KLHL1: variants seen among roughly 807,000 people sequenced by gnomAD.
The protein encoded by KLHL1 is kelch like family member 1.
KLHL1 carries 47 observed loss-of-function variants against 77.7 expected under a neutral mutation model. The observed-to-expected ratio is 0.60, with a 90% confidence interval of 0.48 to 0.77. KLHL1 has a LOEUF of 0.77. KLHL1 is among the 30% of genes least tolerant of loss of function. The pLI, the probability that KLHL1 is intolerant of heterozygous loss-of-function variation, is 0.00. For missense variants in KLHL1, 925 were observed against 910.8 expected (o/e 1.02, Z -0.20); for synonymous variants, 360 against 325.2 (o/e 1.11, Z -1.15).
intron 7 of KLHL1, among the ~76,000 whole-genome samples, chr13:69,753,558 C>A (rs565053691): frequency 1.3e-5 from 2 of 152,124 alleles, no homozygotes; most frequent in Non-Finnish European, 2.9e-5. Flanking sequence ...ATTAGTAGGG[C>A]CAAATCTAGA....
intron 1 of KLHL1, among the ~76,000 whole-genome samples, chr13:70,043,129 T>C (rs2137381856): frequency 6.6e-6 from 1 of 152,172 alleles, no homozygotes; most frequent in Middle Eastern, 3.4e-3. Flanking sequence ...GATCTCGAAC[T>C]CCCGACCTCT....
intron 8 of KLHL1, among the ~76,000 whole-genome samples, chr13:69,720,159 A>T (rs910792356): frequency 6.6e-6 from 1 of 152,172 alleles, no homozygotes; most frequent in Admixed American, 6.6e-5. Flanking sequence ...CAATGTTAGT[A>T]TGATTGAAAA....
intron 4 of KLHL1, among the ~76,000 whole-genome samples, chr13:69,908,231 G>A (rs1009334549): frequency 3.1e-4 from 47 of 151,704 alleles, no homozygotes; most frequent in Non-Finnish European, 4.4e-5. Context: ...AACCATGGGG[G>A]TTAGTGTGGA....
chr13:69,832,051 C>A lies in KLHL1; in HGVS notation c.1414+6925G>T, dbSNP rs1054523804. Among the ~76,000 whole-genome samples the A allele has an allele frequency of 4.7e-5, 7 of 149,876 alleles. 1 individual carries two copies. The highest frequency in any genetic ancestry group is 1.8e-4 in the African/African-American group (7 of 39,906). ...TGAGAAGTGGAACAAGGCAAGGATG[C>A]CCATTTTTACCACTTGGATTCAACA... On this transcript the variant is annotated intron_variant, in intron 6 of 10. Transcript: ENST00000377844.
chr13:69,750,471 T>G (rs1271019428), intron 7 of KLHL1, among the ~76,000 whole-genome samples: 2 of 151,772 alleles, frequency 1.3e-5, no homozygotes, highest in African/African-American at 2.4e-5. Context: ...ATATAAATTA[T>G]AAAAATTTTC....
chr13:69,962,060 G>T (rs1031639679), intron 2 of KLHL1, among the ~76,000 whole-genome samples: 5 of 151,188 alleles, frequency 3.3e-5, no homozygotes, highest in East Asian at 3.9e-4. Flanking sequence ...ATTTTATTTG[G>T]GGAGACTTGA....
At chr13:69,863,712 A>G (rs1880262039) in intron 5 of KLHL1, among the ~76,000 whole-genome samples, 2 of 152,022 alleles carry the variant, frequency 1.3e-5, no homozygotes. Context: ...TTCAGTGTCT[A>G]TTGGATGATG....
chr13:69,983,095 A>T (rs1884760041), intron 1 of KLHL1, among the ~76,000 whole-genome samples: 1 of 152,148 alleles, frequency 6.6e-6, no homozygotes, highest in South Asian at 2.1e-4. Flanking sequence ...CAATAAAGCA[A>T]TCCCATTTAT....
chr13:69,730,717 C>T (rs1167290364), intron 8 of KLHL1, among the ~76,000 whole-genome samples: 2 of 151,936 alleles, frequency 1.3e-5, no homozygotes, highest in African/African-American at 2.4e-5. Context: ...GTAGCTTTAA[C>T]TACAGGAGCA....
chr13:69,765,914 T>G (rs1875278967), intron 7 of KLHL1, among the ~76,000 whole-genome samples: 1 of 152,204 alleles, frequency 6.6e-6, no homozygotes, highest in African/African-American at 2.4e-5. Flanking sequence ...AAAAAATTGT[T>G]TCACCTAAGT....
At chr13:69,895,554 A>T (rs1881603339) in intron 4 of KLHL1, among the ~76,000 whole-genome samples, 3 of 152,166 alleles carry the variant, frequency 2.0e-5, no homozygotes, top group African/African-American at 7.2e-5. Context: ...GCTTTAAAAA[A>T]TACCTATTGA....
chr13:70,045,796 G>A (rs984716810), intron 1 of KLHL1, among the ~76,000 whole-genome samples: 1 of 152,040 alleles, frequency 6.6e-6, no homozygotes, highest in Non-Finnish European at 1.5e-5. Flanking sequence ...GAAGTATAGG[G>A]ATGCTGCCCC....
chr13:69,855,528 A>G (rs1294890487), intron 5 of KLHL1, among the ~76,000 whole-genome samples: 1 of 131,628 alleles, frequency 7.6e-6, no homozygotes, highest in Non-Finnish European at 1.6e-5. Flanking sequence ...GAGAGGAAAG[A>G]GACCACGTGG....
At chr13:69,825,960 A>G (rs1371147776) in intron 6 of KLHL1, among the ~76,000 whole-genome samples, 2 of 150,392 alleles carry the variant, frequency 1.3e-5, no homozygotes, top group Non-Finnish European at 3.0e-5. Flanking sequence ...TTTATACAAC[A>G]TATTATGGCC....
chr13:69,919,525 G>A (rs1882562749), intron 4 of KLHL1, among the ~76,000 whole-genome samples: 1 of 151,728 alleles, frequency 6.6e-6, no homozygotes, highest in African/African-American at 2.4e-5. Flanking sequence ...ACAGGTGGCA[G>A]AAAAATGTAC....
At chr13:70,011,165 G>C (rs1885525465) in intron 1 of KLHL1, among the ~76,000 whole-genome samples, 1 of 152,020 alleles carries the variant, frequency 6.6e-6, no homozygotes, top group Non-Finnish European at 1.5e-5. Flanking sequence ...GGCAAATGAA[G>C]CTAAGAAGAC....
At chr13:69,773,849 G>C (rs1197497971) in intron 7 of KLHL1, among the ~76,000 whole-genome samples, 1 of 147,260 alleles carries the variant, frequency 6.8e-6, no homozygotes, top group East Asian at 2.0e-4. Context: ...CTGGCACCCA[G>C]AGAAAGTCCT....
At chr13:69,922,851 G>A (rs1882687011) in intron 4 of KLHL1, among the ~76,000 whole-genome samples, 1 of 152,040 alleles carries the variant, frequency 6.6e-6, no homozygotes. Context: ...AAGTTGGGTA[G>A]TACTTTCATG....
intron 2 of KLHL1, among the ~76,000 whole-genome samples, chr13:69,966,745 C>G (rs1157799779): frequency 6.6e-6 from 1 of 151,790 alleles, no homozygotes; most frequent in South Asian, 2.1e-4. Context: ...ATCATTTTTT[C>G]ACCTTCCTTC....
Sources: gnomAD v4.1 joint callset for allele counts (sites outside exome capture counted in the v4.1 genomes callset) on GRCh38, gnomAD v4.1.1 for gene constraint, MANE v1.5 for transcripts, NCBI Gene and HGNC (gene_info 2026-07-23, HGNC 2026-07-21) for gene names.